The following RPS6KA5 variants were observed in gnomAD, a reference collection of about 807,000 sequenced individuals.
RPS6KA5 encodes the protein ribosomal protein S6 kinase A5.
A neutral mutation model predicts 85.5 loss-of-function variants in RPS6KA5; 27 were observed. The observed-to-expected ratio is 0.32, with a 90% CI of 0.23 to 0.44. The LOEUF is 0.44. Ranked by LOEUF, RPS6KA5 falls within the 20% of genes least tolerant of loss-of-function variation. RPS6KA5 has a pLI of 1.00. For synonymous variants in RPS6KA5, 334 were observed against 348.2 expected (o/e 0.96, Z 0.46); for missense variants, 811 against 980.9 (o/e 0.83, Z 2.31).
At chr14:90,975,796 C>A (rs2039538448) in intron 3 of RPS6KA5, among the ~76,000 whole-genome samples, 1 of 152,148 alleles carries the variant, frequency 6.6e-6, no homozygotes, top group Non-Finnish European at 1.5e-5. Context: ...CTTCTAAATT[C>A]CTGAAAAGTT....
intron 2 of RPS6KA5, among the ~76,000 whole-genome samples, chr14:90,985,076 G>A (rs576504865): frequency 7.2e-5 from 11 of 152,148 alleles, no homozygotes; most frequent in African/African-American, 2.7e-4. Context: ...AAGTAGCTGG[G>A]ATTACAACGC....
At chr14:90,914,141 C>T (rs2035978445) in intron 7 of RPS6KA5, among the ~76,000 whole-genome samples, 2 of 151,922 alleles carry the variant, frequency 1.3e-5, no homozygotes, top group African/African-American at 4.8e-5. Flanking sequence ...AGAGAACTGG[C>T]TGGGGTGGTG....
chr14:90,997,553 T>A (rs1326674664), intron 2 of RPS6KA5, among the ~76,000 whole-genome samples: 1 of 152,122 alleles, frequency 6.6e-6, no homozygotes, highest in Non-Finnish European at 1.5e-5. Context: ...ACCAATTTTT[T>A]AATTTTGGCA....
intron 1 of RPS6KA5, among the ~76,000 whole-genome samples, chr14:91,038,283 T>A (rs1290816245): frequency 1.3e-5 from 2 of 152,156 alleles, no homozygotes; most frequent in Non-Finnish European, 2.9e-5. Flanking sequence ...GTATGAGAGG[T>A]AGGACCACTA....
rs139447673 is a variant in RPS6KA5, at chr14:91,036,077, A to G, written c.103+24255T>C. 1.6e-3 allele frequency among the ~76,000 whole-genome samples: 222 copies of G among 141,168 alleles called. 1 individual carries two copies. Among genetic ancestry groups the G allele is most frequent in the African/African-American group, 5.0e-3 (195 of 39,256 alleles). 92.6% of individuals were successfully genotyped at this position (141,168 alleles called of 152,430 possible). On this transcript the variant is annotated intron_variant, in intron 1 of 16. Transcript: ENST00000614987. The stretch of plus-strand genomic sequence containing the variant: ...AAAAAAGAAACAGAAAAGAGTACAC[A>G]GACATTTTCAAAATAGACTGTGGGG...
At chr14:90,887,883 G>T (rs575286075) in intron 14 of RPS6KA5, among the ~76,000 whole-genome samples, 42 of 141,100 alleles carry the variant, frequency 3.0e-4, no homozygotes, top group African/African-American at 1.0e-3. Context: ...GATCACTTGA[G>T]CCTGCAGTGA....
At chr14:90,884,973 C>G (rs955055172) in intron 14 of RPS6KA5, among the ~76,000 whole-genome samples, 1 of 152,212 alleles carries the variant, frequency 6.6e-6, no homozygotes, top group Middle Eastern at 3.4e-3. Context: ...GAAAGCAGGG[C>G]AGGGAACAGG....
At chr14:91,004,854 G>C (rs926393577) in intron 1 of RPS6KA5, among the ~76,000 whole-genome samples, 1 of 151,950 alleles carries the variant, frequency 6.6e-6, no homozygotes, top group African/African-American at 2.4e-5. Flanking sequence ...TGTAGTCCCA[G>C]CTCCTCGGGA....
intron 3 of RPS6KA5, among the ~76,000 whole-genome samples, chr14:90,948,203 T>C (rs1221555370): frequency 6.6e-6 from 1 of 152,198 alleles, no homozygotes; most frequent in Non-Finnish European, 1.5e-5. Context: ...ATAGGGGAGC[T>C]GGTTAATTTT....
At chr14:90,940,687 C>T (rs927916665) in intron 5 of RPS6KA5, among the ~76,000 whole-genome samples, 1 of 152,178 alleles carries the variant, frequency 6.6e-6, no homozygotes, top group Non-Finnish European at 1.5e-5. Context: ...ACATGGGCCC[C>T]TAACCCCCAG....
At chr14:90,879,806 G>GTTATA (rs1412652865) in intron 14 of RPS6KA5, among the ~76,000 whole-genome samples, 1 of 126,296 alleles carries the variant, frequency 7.9e-6, no homozygotes, top group Non-Finnish European at 1.7e-5. Flanking sequence ...TTTTTGAGTT[G>GTTATA]GAGTCTCGCT....
intron 1 of RPS6KA5, among the ~76,000 whole-genome samples, chr14:91,017,015 C>T (rs904054754): frequency 5.9e-5 from 9 of 152,194 alleles, no homozygotes; most frequent in Admixed American, 2.0e-4. Context: ...CACCTGTCAT[C>T]CTATCTACTG....
chr14:91,017,621 T>G (rs1324196372), intron 1 of RPS6KA5, among the ~76,000 whole-genome samples: 1 of 152,140 alleles, frequency 6.6e-6, no homozygotes, highest in Non-Finnish European at 1.5e-5. Flanking sequence ...TGAATCAGCA[T>G]CCAGTAAATA....
rs1051149649 is a variant in RPS6KA5, at chr14:91,060,590, G to A, written c.-156C>T. 16 of 1,019,806 alleles carry A rather than the reference G, an allele frequency of 1.6e-5. No homozygotes were observed. The highest frequency in any genetic ancestry group is 1.9e-5 in the Non-Finnish European group (15 of 793,054). 63.2% of individuals were successfully genotyped at this position (1,019,806 alleles called of 1,614,324 possible). On this transcript the variant is annotated 5_prime_UTR_variant, in exon 1 of 17. Coordinates refer to ENST00000614987, the MANE Select transcript of RPS6KA5 (RefSeq NM_004755.4). ...GACGAGTCTCTTTCCCGCTCTGGCCGCACGGCTCGCTCCTCGCCTCCTCCC... is the reference window on the plus strand; with the variant it reads ...GACGAGTCTCTTTCCCGCTCTGGCCACACGGCTCGCTCCTCGCCTCCTCCC...
intron 3 of RPS6KA5, among the ~76,000 whole-genome samples, chr14:90,966,678 G>A (rs1479024152): frequency 6.6e-6 from 1 of 152,178 alleles, no homozygotes; most frequent in Non-Finnish European, 1.5e-5. Flanking sequence ...AAAGTCCAAG[G>A]ACAATTTTCT....
In RPS6KA5 at chr14:91,029,835, TTCATTAA is replaced by T. The variant is rs1304496709; in HGVS notation, c.104-28683_104-28677del. The stretch of plus-strand genomic sequence containing the variant: ...ATATATGTACATTATATTGCTATAA[TTCATTAA>T]AAGGAAGTCACTTATTGACTTCCAA... On this transcript the variant is annotated intron_variant, in intron 1 of 16. Coordinates refer to ENST00000614987, the MANE Select transcript of RPS6KA5 (RefSeq NM_004755.4). Among the ~76,000 whole-genome samples, 12 of 152,280 alleles carry T rather than the reference TTCATTAA, an allele frequency of 7.9e-5. No individual in the cohort carries two copies. The East Asian group carries it at 2.3e-3, about 29-fold the overall frequency.
At chr14:90,969,860 TTCTC>T (rs1349835554) in intron 3 of RPS6KA5, among the ~76,000 whole-genome samples, 1 of 151,850 alleles carries the variant, frequency 6.6e-6, no homozygotes, top group South Asian at 2.1e-4. Context: ...CTCTCTTTTT[TTCTC>T]TCTCTCTCTG....
At chr14:90,906,613 T>TC (rs1312852569) in intron 7 of RPS6KA5, among the ~76,000 whole-genome samples, 1 of 152,080 alleles carries the variant, frequency 6.6e-6, no homozygotes, top group Non-Finnish European at 1.5e-5. Flanking sequence ...AGATTAGACC[T>TC]CTCGTATATA....
chr14:90,948,037 T>C (rs1339447724), intron 3 of RPS6KA5, among the ~76,000 whole-genome samples: 1 of 152,212 alleles, frequency 6.6e-6, no homozygotes, highest in Non-Finnish European at 1.5e-5. Flanking sequence ...TATTAGGTAA[T>C]AGACACCCTT....
Sources: allele counts gnomAD v4.1 joint callset (sites outside exome capture counted in the v4.1 genomes callset), GRCh38; gene constraint gnomAD v4.1.1; transcripts MANE v1.5; gene names NCBI Gene and HGNC (gene_info 2026-07-23, HGNC 2026-07-21).